The following NCAM2 variants were observed in gnomAD, a reference collection of about 807,000 sequenced individuals.
NCAM2 encodes the protein neural cell adhesion molecule 2.
Under a neutral mutation model 98.1 loss-of-function variants are expected in NCAM2, and 30 were observed. That is an observed-to-expected ratio of 0.31 (90% confidence interval 0.23 to 0.41). The LOEUF (loss-of-function observed/expected upper bound fraction) is 0.41, where lower values mean the gene tolerates loss of function less well. Ranked by LOEUF, NCAM2 falls within the 10% of genes least tolerant of loss-of-function variation. The pLI is 1.00. For missense variants in NCAM2, 867 were observed against 1,005.8 expected, an observed-to-expected ratio of 0.86 and a Z score of 1.87; for synonymous variants, 368 against 342.4, an observed-to-expected ratio of 1.07 and a Z score of -0.83.
chr21:21,046,523 A>G (rs1175586192), intron 1 of NCAM2, among the ~76,000 whole-genome samples: 2 of 152,106 alleles, frequency 1.3e-5, no homozygotes, highest in Non-Finnish European at 2.9e-5. Context: ...CAGCTTTTCA[A>G]ATATGTCCTT....
At chr21:21,522,259 ATATT>A (rs71195337) in intron 16 of NCAM2, among the ~76,000 whole-genome samples, 48,702 of 147,612 alleles carry the variant, frequency 0.33, 9,330 homozygotes, top group East Asian at 0.61. Context: ...TATGAATACT[ATATT>A]TATATATAAA....
In NCAM2 at chr21:21,341,759, T is replaced by C. The variant is rs538557406; in HGVS notation, c.1044+3225T>C. On this transcript the variant is annotated intron_variant, in intron 8 of 17. Transcript: ENST00000400546. ...CAATCACCAGATAAGACAAAAAAAATGGGGATAAAATACCATGTGACTTAA... is the reference window on the plus strand; with the variant it reads ...CAATCACCAGATAAGACAAAAAAAACGGGGATAAAATACCATGTGACTTAA... 1.4e-3 allele frequency among the ~76,000 whole-genome samples: 200 copies of C among 147,070 alleles called. 3 individuals are homozygous for C. The South Asian group carries it at 0.024, about 18-fold the overall frequency.
chr21:21,183,523 A>G (rs1246145482), intron 1 of NCAM2, among the ~76,000 whole-genome samples: 1 of 152,142 alleles, frequency 6.6e-6, no homozygotes, highest in Non-Finnish European at 1.5e-5. Flanking sequence ...AGGAAATGGT[A>G]AGGGGAGAGA....
At chr21:21,138,185 C>T (rs923679895) in intron 1 of NCAM2, among the ~76,000 whole-genome samples, 3 of 152,172 alleles carry the variant, frequency 2.0e-5, no homozygotes, top group African/African-American at 4.8e-5. Flanking sequence ...TAAGTGTGAG[C>T]AAGCACAGAT....
At chr21:21,240,566 A>G (rs1312222289) in intron 1 of NCAM2, among the ~76,000 whole-genome samples, 1 of 152,180 alleles carries the variant, frequency 6.6e-6, no homozygotes, top group African/African-American at 2.4e-5. Flanking sequence ...TCCGTCATTA[A>G]TTACCCACGT....
intron 1 of NCAM2, among the ~76,000 whole-genome samples, chr21:21,136,171 G>A (rs745542515): frequency 7.9e-5 from 12 of 152,128 alleles, no homozygotes; most frequent in African/African-American, 1.2e-4. Flanking sequence ...GGTCACTCTG[G>A]TGAAGGAAAA....
intron 1 of NCAM2, among the ~76,000 whole-genome samples, chr21:21,221,008 T>G (rs952824205): frequency 6.6e-6 from 1 of 151,854 alleles, no homozygotes; most frequent in African/African-American, 2.4e-5. Flanking sequence ...CTCATGTCTC[T>G]GTGTCATGTT....
chr21:21,331,887 G>A (rs111603139), intron 6 of NCAM2, among the ~76,000 whole-genome samples: 23 of 142,872 alleles, frequency 1.6e-4, no homozygotes, highest in South Asian at 7.0e-4. Flanking sequence ...ACACCTGGCC[G>A]TATCCTGGGA....
chr21:21,499,279 C>T (rs1388242394), intron 15 of NCAM2, among the ~76,000 whole-genome samples: 1 of 152,106 alleles, frequency 6.6e-6, no homozygotes, highest in African/African-American at 2.4e-5. Context: ...GACAGAGTCT[C>T]GCTCCAGGCT....
intron 8 of NCAM2, among the ~76,000 whole-genome samples, chr21:21,361,024 G>T (rs73232049): frequency 2.0e-5 from 3 of 152,088 alleles, no homozygotes; most frequent in Non-Finnish European, 4.4e-5. Context: ...GGAAACAGAA[G>T]AAAATCTTAA....
chr21:21,102,644 A>C (rs1186779332), intron 1 of NCAM2, among the ~76,000 whole-genome samples: 1 of 139,532 alleles, frequency 7.2e-6, no homozygotes, highest in Admixed American at 7.6e-5. Context: ...AGAAAGGAAA[A>C]TACTTGAGTT....
rs575145326 is a variant in NCAM2 at position 21,200,955 on chromosome 21, A to G, written c.56-79623A>G. On this transcript the variant is annotated intron_variant, in intron 1 of 17. Transcript: ENST00000400546. ...TAGATCTTCTCCAACATTATCTATC[A>G]GAGTGCATATTAATGAGTGGATAAT... Among the ~76,000 whole-genome samples, 3 of 152,200 alleles carry G rather than the reference A, an allele frequency of 2.0e-5. No homozygotes were observed. The South Asian group carries it at 6.2e-4, about 32-fold the overall frequency.
chr21:21,508,808 C>CTTTTTTTTTTTTATTTTTTTTTTTTT (rs1988158017), intron 15 of NCAM2, 43 bp from the exon 16 acceptor site: 1 of 404,442 alleles, frequency 2.5e-6, no homozygotes, highest in Admixed American at 7.5e-5. Flanking sequence ...ACTTTTTTTC[C>CTTTTTTTTTTTTATTTTTTTTTTTTT]TTTTTTTTTT....
chr21:21,034,165 A>G (rs1319296731), intron 1 of NCAM2, among the ~76,000 whole-genome samples: 2 of 152,048 alleles, frequency 1.3e-5, no homozygotes, highest in Non-Finnish European at 2.9e-5. Context: ...TTAAACAGCT[A>G]TGTCTCATTC....
intron 1 of NCAM2, among the ~76,000 whole-genome samples, chr21:21,201,783 A>G (rs1418408551): frequency 6.6e-6 from 1 of 152,212 alleles, no homozygotes; most frequent in African/African-American, 2.4e-5. Context: ...TTCTTTTTCC[A>G]GTATTCTAGA....
intron 14 of NCAM2, among the ~76,000 whole-genome samples, chr21:21,469,777 A>G (rs184732933): frequency 2.0e-4 from 30 of 152,130 alleles, no homozygotes; most frequent in African/African-American, 7.2e-4. Flanking sequence ...TTAATTTTAG[A>G]TATCAAATCA....
At chr21:21,125,554 CAT>C (rs1215881112) in intron 1 of NCAM2, among the ~76,000 whole-genome samples, 2 of 11,724 alleles carry the variant, frequency 1.7e-4, no homozygotes, top group Non-Finnish European at 7.4e-4. Context: ...TACATATATA[CAT>C]ATATAATATG....
chr21:21,460,082 A>G (rs1253960400), intron 12 of NCAM2, among the ~76,000 whole-genome samples: 1 of 151,978 alleles, frequency 6.6e-6, no homozygotes, highest in African/African-American at 2.4e-5. Flanking sequence ...TTTTATTGGT[A>G]AATTATCTCT....
intron 1 of NCAM2, among the ~76,000 whole-genome samples, chr21:21,160,998 T>C (rs904692060): frequency 2.0e-5 from 3 of 152,072 alleles, no homozygotes; most frequent in African/African-American, 7.2e-5. Flanking sequence ...CACTCCATAC[T>C]GTAACAAAGA....
Sources: allele counts gnomAD v4.1 joint callset (sites outside exome capture counted in the v4.1 genomes callset), GRCh38; gene constraint gnomAD v4.1.1; transcripts MANE v1.5; gene names NCBI Gene and HGNC (gene_info 2026-07-23, HGNC 2026-07-21).